Variants in SS18 observed in about 807,000 individuals in gnomAD.
SS18 encodes protein SSXT.
Under a neutral mutation model 72.5 loss-of-function variants are expected in SS18, and 28 were observed. The ratio of observed to expected loss-of-function variants is 0.39; its 90% confidence interval spans 0.29 to 0.53. The LOEUF is 0.53. Ranked by LOEUF, SS18 falls within the 20% of genes least tolerant of loss-of-function variation. SS18 has a pLI of 0.76. For missense variants in SS18, 518 were observed against 535.3 expected, an observed-to-expected ratio of 0.97 and a Z score of 0.32; for synonymous variants, 172 against 164.2, an observed-to-expected ratio of 1.05 and a Z score of -0.37.
chr18:26,033,204 A>G (rs1274675634), intron 9 of SS18, among the ~76,000 whole-genome samples: 1 of 152,148 alleles, frequency 6.6e-6, no homozygotes, highest in Non-Finnish European at 1.5e-5. Context: ...GCTAAACAAT[A>G]TGTCTGTTTT....
At chr18:26,073,573 C>A (rs1341678927) in intron 3 of SS18, among the ~76,000 whole-genome samples, 4 of 152,130 alleles carry the variant, frequency 2.6e-5, no homozygotes, top group Admixed American at 1.3e-4. Flanking sequence ...GATATAATTG[C>A]TGGAACCTCA....
chr18:26,086,847 T>G (rs1321069865), intron 2 of SS18, among the ~76,000 whole-genome samples: 1 of 152,180 alleles, frequency 6.6e-6, no homozygotes, highest in Non-Finnish European at 1.5e-5. Context: ...ACTATACATA[T>G]ATTTGAAGTC....
chr18:26,058,271 C>T (rs1000301401), intron 3 of SS18, among the ~76,000 whole-genome samples: 28 of 152,214 alleles, frequency 1.8e-4, no homozygotes, highest in Admixed American at 3.3e-4. Flanking sequence ...GGAAACATTA[C>T]TGATGGCCTC....
At chr18:26,088,922 G>A (rs2054665236) in intron 1 of SS18, among the ~76,000 whole-genome samples, 1 of 151,874 alleles carries the variant, frequency 6.6e-6, no homozygotes, top group Admixed American at 6.6e-5. Context: ...AATAAATGCA[G>A]TTATTTCTTA....
intron 1 of SS18, among the ~76,000 whole-genome samples, chr18:26,089,433 C>T (rs77450228): frequency 6.6e-6 from 1 of 152,228 alleles, no homozygotes; most frequent in Non-Finnish European, 1.5e-5. Flanking sequence ...AAAAGCCACA[C>T]TACGAAGAAC....
At chr18:26,027,700 A>G (rs2053473570) in intron 10 of SS18, among the ~76,000 whole-genome samples, 2 of 135,560 alleles carry the variant, frequency 1.5e-5, no homozygotes, top group Admixed American at 7.6e-5. Context: ...AAAAAAAAAA[A>G]AAAAGTCTTT....
At chr18:26,077,767 C>T (rs762071690) in intron 3 of SS18, among the ~76,000 whole-genome samples, 10 of 152,218 alleles carry the variant, frequency 6.6e-5, no homozygotes, top group Non-Finnish European at 1.3e-4. Context: ...ACTGGTCAAA[C>T]TGTAAGATGT....
intron 3 of SS18, among the ~76,000 whole-genome samples, chr18:26,069,649 G>A (rs1044998686): frequency 6.6e-6 from 1 of 152,104 alleles, no homozygotes; most frequent in Non-Finnish European, 1.5e-5. Flanking sequence ...TAGACTATAT[G>A]ATTATCTAGG....
In SS18 at chr18:26,090,553, G is replaced by A. The variant is rs866697162; in HGVS notation, c.17C>T (p.Ala6Val). ...CCCCTTGCCTCGCTGCCTCGGGGCC[G>A]CGAAAGCCACAGACATGTTGCCGCC... MSVAF[A>V]APRQRGKGEI... Residue 6 changes from alanine (A) to valine (V), a missense_variant, in exon 1 of 11, where the codon GCG becomes GTG. Physicochemically the swap from Ala to Val is moderately conservative, Grantham distance 64. Coordinates refer to ENST00000415083, the MANE Select transcript of SS18 (RefSeq NM_001007559.3). 1 of 1,586,934 alleles carries A rather than the reference G, an allele frequency of 6.3e-7. No individual in the cohort carries two copies. The highest frequency in any genetic ancestry group is 1.7e-5 in the Admixed American group (1 of 57,352).
chr18:26,070,542 C>T (rs2054294077), intron 3 of SS18, among the ~76,000 whole-genome samples: 1 of 152,150 alleles, frequency 6.6e-6, no homozygotes, highest in Admixed American at 6.5e-5. Flanking sequence ...AAAAAAGACA[C>T]AAGGCTGAAA....
chr18:26,081,632 G>A (rs2054524758), intron 2 of SS18, among the ~76,000 whole-genome samples: 1 of 152,018 alleles, frequency 6.6e-6, no homozygotes. Flanking sequence ...TCTGGACTCA[G>A]GTGACAATAT....
At chr18:26,041,748 G>GA (rs113774814) in intron 5 of SS18, among the ~76,000 whole-genome samples, 16,002 of 150,292 alleles carry the variant, frequency 0.11, 1,353 homozygotes, top group African/African-American at 0.22. Flanking sequence ...ATAGCCAAAA[G>GA]AAAAAAAAAT....
chr18:26,066,825 A>G (rs2054228289), intron 3 of SS18, among the ~76,000 whole-genome samples: 1 of 152,204 alleles, frequency 6.6e-6, no homozygotes. Context: ...GCCCCCATAG[A>G]CAAATTATCT....
At position 26,083,475 on chromosome 18, in the gene SS18, A is replaced by G. The variant is rs754512196; in HGVS notation, c.146+4026T>C. Among the ~76,000 whole-genome samples the G allele has an allele frequency of 7.2e-5, 11 of 152,182 alleles. No individual in the cohort carries two copies. In the East Asian group the frequency reaches 1.9e-3, roughly 27 times the overall value. On this transcript the variant is annotated intron_variant, in intron 2 of 10. Coordinates refer to ENST00000415083, the MANE Select transcript of SS18 (RefSeq NM_001007559.3). ...CATCGTTGTTGTGCAAACATCATCA[A>G]GAGTACTCACACAAACCTAGATGGT... is the stretch of plus-strand genomic sequence containing the variant.
rs60519717 is a variant in SS18, at chr18:26,034,588, CAA to C, written c.1096+415_1096+416del. Among the ~76,000 whole-genome samples, 1,039 of 133,808 alleles carry C rather than the reference CAA, an allele frequency of 7.8e-3. 9 individuals are homozygous for C. The highest frequency in any genetic ancestry group is 0.026 in the African/African-American group (967 of 37,232). The allele number at this position is 133,808 out of a possible 152,430, so 87.8% of individuals were successfully genotyped here. On this transcript the variant is annotated intron_variant, in intron 9 of 10. Transcript: ENST00000415083. ...ATTCTGAATAGATCTCATTTGTACT[CAA>C]AAAAAAAAAAAATCAGTATGTCTTA... is the stretch of plus-strand genomic sequence containing the variant.
At chr18:26,055,462 T>C (rs1169268941) in intron 4 of SS18, among the ~76,000 whole-genome samples, 1 of 151,980 alleles carries the variant, frequency 6.6e-6, no homozygotes, top group African/African-American at 2.4e-5. Context: ...AGCAAAACTC[T>C]GTCTCAAAAA....
chr18:26,035,138 A>G lies in SS18; in HGVS notation c.974-11T>C, dbSNP rs1428408376. The G allele has an allele frequency of 6.2e-7, 1 of 1,611,356 alleles. No homozygotes were observed. The highest frequency in any genetic ancestry group is 1.7e-5 in the Admixed American group (1 of 59,650). On this transcript the variant is annotated splice_polypyrimidine_tract_variant and intron_variant, in intron 8 of 10. Transcript: ENST00000415083. The surrounding 1 kb of genome is among the most constrained non-coding windows in gnomAD (Gnocchi z 4.4). ...CATACTGTGAATTTCCTACAGGATA[A>G]TTGGAGAAGAGGAAAAAAAACTGAG...
chr18:26,082,411 T>C (rs1439065117), intron 2 of SS18: 12 of 966,536 alleles, frequency 1.2e-5, no homozygotes, highest in Non-Finnish European at 1.5e-5. Flanking sequence ...CTTTATAGAA[T>C]AAAAGTTATC....
chr18:26,071,792 T>C (rs2054314098), intron 3 of SS18, among the ~76,000 whole-genome samples: 1 of 151,800 alleles, frequency 6.6e-6, no homozygotes, highest in Non-Finnish European at 1.5e-5. Flanking sequence ...CATGCCCCTA[T>C]GCTCTGGCCT....
Sources: allele counts gnomAD v4.1 joint callset (sites outside exome capture counted in the v4.1 genomes callset), GRCh38; gene constraint gnomAD v4.1.1; non-coding constraint Gnocchi (gnomAD v3.1); transcripts MANE v1.5; gene names NCBI Gene and HGNC (gene_info 2026-07-23, HGNC 2026-07-21).